PDE3B: variants seen among roughly 807,000 people sequenced by gnomAD.
PDE3B encodes the protein cGMP-inhibited 3',5'-cyclic phosphodiesterase 3B.
A neutral mutation model predicts 116.8 loss-of-function variants in PDE3B; 66 were observed. That is an observed-to-expected ratio of 0.56 (90% CI 0.46 to 0.69). The LOEUF is 0.69. Ranked by LOEUF, PDE3B falls within the 30% of genes least tolerant of loss-of-function variation. PDE3B has a pLI of 0.00. For synonymous variants in PDE3B, 595 were observed against 533.6 expected, an observed-to-expected ratio of 1.12 and a Z score of -1.59; for missense variants, 1,384 against 1,368.1, an observed-to-expected ratio of 1.01 and a Z score of -0.18.
intron 12 of PDE3B, among the ~76,000 whole-genome samples, chr11:14,846,570 T>C (rs1299733454): frequency 6.6e-6 from 1 of 152,120 alleles, no homozygotes; most frequent in Admixed American, 6.6e-5. Context: ...TCAAGACCCA[T>C]CAGTGTGCTG....
intron 1 of PDE3B, among the ~76,000 whole-genome samples, chr11:14,751,629 G>A (rs1590114759): frequency 6.6e-6 from 1 of 152,306 alleles, no homozygotes; most frequent in South Asian, 2.1e-4. Context: ...ATCCCACAAA[G>A]TGGGAATAAG....
chr11:14,714,555 A>G (rs1363155125), intron 1 of PDE3B, among the ~76,000 whole-genome samples: 2 of 151,994 alleles, frequency 1.3e-5, no homozygotes, highest in South Asian at 2.1e-4. Context: ...AAAAAAAAAA[A>G]AAAAGAAATA....
chr11:14,743,729 A>G (rs1431731731), intron 1 of PDE3B, among the ~76,000 whole-genome samples: 3 of 152,154 alleles, frequency 2.0e-5, no homozygotes, highest in African/African-American at 7.2e-5. Context: ...CAGGTTGCAA[A>G]GACTGTGGGA....
intron 1 of PDE3B, among the ~76,000 whole-genome samples, chr11:14,734,833 C>T (rs147721406): frequency 0.015 from 2,213 of 152,028 alleles, 32 homozygotes; most frequent in Admixed American, 0.032. Flanking sequence ...AATACAGATT[C>T]CAATACAACC....
chr11:14,756,588 A>G (rs1381067093), intron 1 of PDE3B, among the ~76,000 whole-genome samples: 1 of 152,150 alleles, frequency 6.6e-6, no homozygotes, highest in African/African-American at 2.4e-5. Context: ...CCACATGGCA[A>G]ATAACCTTTG....
intron 12 of PDE3B, among the ~76,000 whole-genome samples, chr11:14,844,370 T>C (rs1847541735): frequency 6.6e-6 from 1 of 152,210 alleles, no homozygotes; most frequent in African/African-American, 2.4e-5. Context: ...GATGGCCGAA[T>C]AGGAACAGCT....
At chr11:14,660,466 T>TG (rs1339010125) in intron 1 of PDE3B, among the ~76,000 whole-genome samples, 4 of 151,784 alleles carry the variant, frequency 2.6e-5, no homozygotes, top group African/African-American at 9.7e-5. Flanking sequence ...CATTCCTGGC[T>TG]ATTTTTTTTT....
At chr11:14,818,047 G>T in intron 5 of PDE3B, 136 bp from the exon 6 acceptor site, 1 of 635,084 alleles carries the variant, frequency 1.6e-6, no homozygotes, top group Non-Finnish European at 2.7e-6. Flanking sequence ...CCCCATGCAG[G>T]AATTTATAAT....
At chr11:14,743,045 A>C (rs920508377) in intron 1 of PDE3B, among the ~76,000 whole-genome samples, 1 of 152,192 alleles carries the variant, frequency 6.6e-6, no homozygotes, top group Non-Finnish European at 1.5e-5. Flanking sequence ...CACGGGGGTC[A>C]GGGACCCACT....
the PDE3B span, chr11:14,877,306 A>G: frequency 1.3e-5 from 2 of 152,142 alleles, no homozygotes; most frequent in East Asian, 3.9e-4. Flanking sequence ...TCTTTAGAAA[A>G]ATAACACTAA....
intron 1 of PDE3B, among the ~76,000 whole-genome samples, chr11:14,753,392 AT>A (rs1857106964): frequency 6.6e-6 from 1 of 152,078 alleles, no homozygotes; most frequent in South Asian, 2.1e-4. Flanking sequence ...TGATGGATAT[AT>A]TTTTTTATGA....
intron 13 of PDE3B, 58 bp from the exon 14 acceptor site, chr11:14,861,147 A>T: frequency 7.2e-7 from 1 of 1,379,664 alleles, no homozygotes; most frequent in African/African-American, 1.4e-5. Flanking sequence ...AAGCAAACAA[A>T]ACAACAAGTT....
intron 1 of PDE3B, among the ~76,000 whole-genome samples, chr11:14,662,640 C>A (rs1366931093): frequency 6.6e-6 from 1 of 152,150 alleles, no homozygotes; most frequent in South Asian, 2.1e-4. Context: ...AAAGCCAAGG[C>A]TCGAGAACTA....
intron 1 of PDE3B, among the ~76,000 whole-genome samples, chr11:14,677,421 G>A (rs997968073): frequency 2.6e-5 from 4 of 152,096 alleles, no homozygotes; most frequent in East Asian, 1.9e-4. Flanking sequence ...AATAACTTGC[G>A]TATATGTAAT....
intron 4 of PDE3B, among the ~76,000 whole-genome samples, chr11:14,794,683 G>T (rs992070430): frequency 2.0e-5 from 3 of 152,094 alleles, no homozygotes; most frequent in Admixed American, 1.3e-4. Flanking sequence ...GACTCAGTCC[G>T]ACAAGACTGA....
At chr11:14,865,294 G>C (rs1160574015) in intron 14 of PDE3B, among the ~76,000 whole-genome samples, 2 of 152,098 alleles carry the variant, frequency 1.3e-5, no homozygotes, top group Non-Finnish European at 2.9e-5. Context: ...GGAGTGCACT[G>C]ATTTCCTGAC....
At chr11:14,801,528 G>C (rs1270427987) in intron 4 of PDE3B, among the ~76,000 whole-genome samples, 3 of 152,200 alleles carry the variant, frequency 2.0e-5, no homozygotes, top group Admixed American at 1.3e-4. Flanking sequence ...AGGGACACCT[G>C]CCAGATGCCA....
At chr11:14,706,246 A>G (rs369937457) in intron 1 of PDE3B, among the ~76,000 whole-genome samples, 3 of 151,882 alleles carry the variant, frequency 2.0e-5, no homozygotes, top group South Asian at 4.1e-4. Context: ...TCAGATTAGT[A>G]TAATAAATTT....
chr11:14,797,267 A>G (rs1464285315), intron 4 of PDE3B, among the ~76,000 whole-genome samples: 7 of 152,180 alleles, frequency 4.6e-5, no homozygotes, highest in Non-Finnish European at 2.9e-5. Flanking sequence ...GGCAGTAATG[A>G]TTGCTGTTCT....
Sources: allele counts gnomAD v4.1 joint callset (sites outside exome capture counted in the v4.1 genomes callset), GRCh38; gene constraint gnomAD v4.1.1; transcripts MANE v1.5; gene names NCBI Gene and HGNC (gene_info 2026-07-23, HGNC 2026-07-21).